HERC6: variants seen among roughly 807,000 people sequenced by gnomAD.
HERC6 encodes the protein probable E3 ubiquitin-protein ligase HERC6.
Under a neutral mutation model 114.5 loss-of-function variants are expected in HERC6, and 101 were observed. The observed-to-expected ratio is 0.88, with a 90% CI of 0.75 to 1.04. The LOEUF (loss-of-function observed/expected upper bound fraction) is 1.04. HERC6 is among the 50% of genes least tolerant of loss of function. The pLI, the probability that HERC6 is intolerant of heterozygous loss-of-function variation, is 0.00. For synonymous variants in HERC6, 408 were observed against 436.2 expected, an observed-to-expected ratio of 0.94 and a Z score of 0.81; for missense variants, 1,133 against 1,230.9, an observed-to-expected ratio of 0.92 and a Z score of 1.19.
intron 17 of HERC6, among the ~76,000 whole-genome samples, chr4:88,434,765 C>CAA (rs761784879): frequency 0.12 from 12,779 of 103,074 alleles, 771 homozygotes; most frequent in East Asian, 0.27. Flanking sequence ...AAAACAGAGA[C>CAA]AAAAAAAAAA....
At chr4:88,441,218 T>C (rs534468355) in intron 22 of HERC6, among the ~76,000 whole-genome samples, 5 of 152,326 alleles carry the variant, frequency 3.3e-5, no homozygotes, top group South Asian at 2.1e-4. Context: ...ATCTGTTTTA[T>C]AGTAATATAT....
chr4:88,411,503 AT>A, intron 11 of HERC6, among the ~76,000 whole-genome samples: 1 of 152,324 alleles, frequency 6.6e-6, no homozygotes, highest in South Asian at 2.1e-4. Flanking sequence ...AATTTTAAGA[AT>A]TTTAATGTAA....
At chr4:88,390,355 A>G (rs1358750215) in intron 3 of HERC6, among the ~76,000 whole-genome samples, 1 of 152,130 alleles carries the variant, frequency 6.6e-6, no homozygotes, top group East Asian at 1.9e-4. Flanking sequence ...ATAGTTAATA[A>G]TAGTACATTG....
intron 2 of HERC6, among the ~76,000 whole-genome samples, chr4:88,384,250 T>C (rs1407250061): frequency 6.6e-6 from 1 of 152,230 alleles, no homozygotes; most frequent in Non-Finnish European, 1.5e-5. Context: ...AACTTTACTT[T>C]GGGATATTCT....
chr4:88,379,176 G>A (rs1349074618), intron 1 of HERC6, 56 bp downstream of exon 1: 3 of 1,364,448 alleles, frequency 2.2e-6, no homozygotes, highest in Non-Finnish European at 2.9e-6. Context: ...GGGCGCGGGG[G>A]CTTGGGTACC....
At chr4:88,384,489 G>A (rs1156745743) in intron 2 of HERC6, among the ~76,000 whole-genome samples, 1 of 152,150 alleles carries the variant, frequency 6.6e-6, no homozygotes, top group African/African-American at 2.4e-5. Flanking sequence ...ATGACAAGTA[G>A]TTGGCTCTGG....
intron 15 of HERC6, among the ~76,000 whole-genome samples, chr4:88,425,311 A>T (rs1202266898): frequency 3.3e-5 from 5 of 152,088 alleles, no homozygotes; most frequent in African/African-American, 1.2e-4. Flanking sequence ...GATCTTTTCC[A>T]TTTTGATGAG....
At position 88,421,123 on chromosome 4, in the gene HERC6, A is replaced by C. The variant is rs1357408952; in HGVS notation, c.1714-2737A>C. On this transcript the variant is annotated intron_variant, in intron 13 of 22. Coordinates refer to ENST00000264346, the MANE Select transcript of HERC6 (RefSeq NM_017912.4). ...ATGTTGGAGTATGTATGAGTACTTC[A>C]TTCTTTTTTATTGATGAATAATATA... Among the ~76,000 whole-genome samples the C allele has an allele frequency of 2.0e-5, 3 of 152,202 alleles. No individual in the cohort carries two copies. In the East Asian group the frequency reaches 5.8e-4, roughly 29 times the overall value.
chr4:88,385,306 T>C (rs1327902986), intron 2 of HERC6, among the ~76,000 whole-genome samples, 193 bp from the exon 3 acceptor site: 1 of 152,200 alleles, frequency 6.6e-6, no homozygotes, highest in African/African-American at 2.4e-5. Flanking sequence ...TTCTGTCCTA[T>C]AACTTGGTAC....
chr4:88,427,215 T>C (rs1258367095), intron 15 of HERC6, among the ~76,000 whole-genome samples: 1 of 152,228 alleles, frequency 6.6e-6, no homozygotes, highest in Non-Finnish European at 1.5e-5. Flanking sequence ...GGATCACCAA[T>C]TCAAATGTGT....
chr4:88,412,009 G>T (rs1323072455), intron 11 of HERC6, among the ~76,000 whole-genome samples: 1 of 152,148 alleles, frequency 6.6e-6, no homozygotes, highest in African/African-American at 2.4e-5. Flanking sequence ...AAAACGACTG[G>T]CAAGGTGAAC....
At chr4:88,421,716 G>A (rs1302112763) in intron 13 of HERC6, among the ~76,000 whole-genome samples, 1 of 152,080 alleles carries the variant, frequency 6.6e-6, no homozygotes, top group African/African-American at 2.4e-5. Context: ...AAAGTGCTAG[G>A]ATTACAGGCA....
chr4:88,411,258 TA>T (rs1216438547), intron 11 of HERC6, among the ~76,000 whole-genome samples: 1 of 152,156 alleles, frequency 6.6e-6, no homozygotes, highest in Non-Finnish European at 1.5e-5. Flanking sequence ...ATTAGTTTTA[TA>T]AAAAACCCCA....
At chr4:88,385,469 T>G in intron 2 of HERC6, 30 bp from the exon 3 acceptor site, 1 of 1,071,292 alleles carries the variant, frequency 9.3e-7, no homozygotes, top group Non-Finnish European at 1.4e-6. Flanking sequence ...TAAATAAGGA[T>G]TAATCAATTT....
At chr4:88,419,354 C>T (rs999125729) in intron 13 of HERC6, among the ~76,000 whole-genome samples, 11 of 152,326 alleles carry the variant, frequency 7.2e-5, no homozygotes, top group Middle Eastern at 3.4e-3. Flanking sequence ...CATCCTCATT[C>T]TGCTTTGGGT....
At chr4:88,440,581 ACCAGG>A (rs1739243906) in intron 22 of HERC6, 1 of 201,666 alleles carries the variant, frequency 5.0e-6, no homozygotes, top group Non-Finnish European at 9.9e-6. Context: ...ACGAGTTAGG[ACCAGG>A]TGTACCATCC....
chr4:88,441,507 C>G (rs950997701), intron 22 of HERC6, among the ~76,000 whole-genome samples: 12 of 152,058 alleles, frequency 7.9e-5, no homozygotes, highest in Non-Finnish European at 1.5e-4. Context: ...AAAGCCCAGG[C>G]TCTTGAGCAC....
At chr4:88,408,465 C>T in intron 10 of HERC6, 59 bp from the exon 11 acceptor site, 1 of 1,079,834 alleles carries the variant, frequency 9.3e-7, no homozygotes, top group Non-Finnish European at 1.4e-6. Flanking sequence ...GACATACAAA[C>T]TTTAGAAATA....
At chr4:88,397,097 T>C in intron 7 of HERC6, 110 bp downstream of exon 7, 3 of 773,320 alleles carry the variant, frequency 3.9e-6, no homozygotes, top group Non-Finnish European at 5.5e-6. Flanking sequence ...CCCTAGTACT[T>C]TTATTTTTAT....
Sources: allele counts gnomAD v4.1 joint callset (sites outside exome capture counted in the v4.1 genomes callset), GRCh38; gene constraint gnomAD v4.1.1; transcripts MANE v1.5; gene names NCBI Gene and HGNC (gene_info 2026-07-23, HGNC 2026-07-21).